NDFIP2: variants seen among roughly 807,000 people sequenced by gnomAD.
NDFIP2 encodes Nedd4 family interacting protein 2, also known as NEDD4 family-interacting protein 2.
Under a neutral mutation model 36.0 loss-of-function variants are expected in NDFIP2, and 19 were observed. The ratio of observed to expected loss-of-function variants is 0.53; its 90% CI spans 0.37 to 0.77. The LOEUF (loss-of-function observed/expected upper bound fraction) is 0.77. Ranked by LOEUF, NDFIP2 falls within the 30% of genes least tolerant of loss-of-function variation. The pLI is 0.00. For synonymous variants in NDFIP2, 181 were observed against 167.7 expected (o/e 1.08, Z -0.61); for missense variants, 446 against 435.8 (o/e 1.02, Z -0.21).
At chr13:79,527,975 A>G (rs1327189641) in intron 2 of NDFIP2, among the ~76,000 whole-genome samples, 4 of 152,138 alleles carry the variant, frequency 2.6e-5, no homozygotes, top group Non-Finnish European at 5.9e-5. Flanking sequence ...TTTTTAATAA[A>G]AAAGCTAGCT....
At chr13:79,500,461 T>C (rs577055675) in intron 1 of NDFIP2, among the ~76,000 whole-genome samples, 76 of 152,128 alleles carry the variant, frequency 5.0e-4, no homozygotes, top group African/African-American at 1.8e-3. Context: ...AAAGGACTGC[T>C]ATCCAAAATA....
At chr13:79,508,216 A>C (rs890891614) in intron 1 of NDFIP2, among the ~76,000 whole-genome samples, 1 of 152,202 alleles carries the variant, frequency 6.6e-6, no homozygotes, top group Non-Finnish European at 1.5e-5. Flanking sequence ...ATTCTTGTAC[A>C]TGCCTCTTTA....
intron 2 of NDFIP2, among the ~76,000 whole-genome samples, chr13:79,523,600 C>G (rs909664706): frequency 3.9e-5 from 6 of 152,114 alleles, no homozygotes; most frequent in African/African-American, 1.4e-4. Flanking sequence ...TTAACAACAA[C>G]TAATAATAAA....
chr13:79,536,727 T>A (rs1253196146), intron 3 of NDFIP2, among the ~76,000 whole-genome samples: 1 of 152,174 alleles, frequency 6.6e-6, no homozygotes, highest in Non-Finnish European at 1.5e-5. Context: ...ATTAATATTA[T>A]AAAAGACATC....
intron 5 of NDFIP2, among the ~76,000 whole-genome samples, chr13:79,545,985 C>T (rs1489980160): frequency 3.9e-5 from 6 of 152,214 alleles, no homozygotes; most frequent in African/African-American, 1.2e-4. Context: ...GCCTTGGCCT[C>T]CCAAAGTGCT....
intron 1 of NDFIP2, among the ~76,000 whole-genome samples, chr13:79,520,112 A>AT (rs920399164): frequency 6.6e-6 from 1 of 151,914 alleles, no homozygotes; most frequent in Admixed American, 6.6e-5. Context: ...TGCTTTAATA[A>AT]TTTTTTTTGT....
intron 3 of NDFIP2, among the ~76,000 whole-genome samples, chr13:79,536,167 C>T (rs1392000929): frequency 6.6e-6 from 1 of 152,182 alleles, no homozygotes; most frequent in Non-Finnish European, 1.5e-5. Context: ...ATGAAAAATG[C>T]TAATTCCAAA....
At chr13:79,498,209 T>C (rs1873523476) in intron 1 of NDFIP2, among the ~76,000 whole-genome samples, 1 of 151,882 alleles carries the variant, frequency 6.6e-6, no homozygotes, top group Non-Finnish European at 1.5e-5. Context: ...CTTTTTGTCT[T>C]GTTCATTTTA....
intron 2 of NDFIP2, among the ~76,000 whole-genome samples, chr13:79,529,830 G>A (rs1874942071): frequency 6.6e-6 from 1 of 152,104 alleles, no homozygotes; most frequent in East Asian, 1.9e-4. Flanking sequence ...AAAAATAAAC[G>A]CATACTTCAG....
intron 7 of NDFIP2, 29 bp downstream of exon 7, chr13:79,551,151 C>G (rs1875894750): frequency 7.1e-7 from 1 of 1,415,412 alleles, no homozygotes; most frequent in African/African-American, 1.4e-5. Context: ...TGAACTCTGC[C>G]TATTCCCTTT....
At chr13:79,535,463 T>C (rs1875198829) in intron 3 of NDFIP2, among the ~76,000 whole-genome samples, 1 of 152,168 alleles carries the variant, frequency 6.6e-6, no homozygotes, top group Non-Finnish European at 1.5e-5. Context: ...AGAAAGTAAA[T>C]GTAATCCTCA....
chr13:79,550,435 A>G (rs1168692386), intron 6 of NDFIP2, among the ~76,000 whole-genome samples: 1 of 151,614 alleles, frequency 6.6e-6, no homozygotes, highest in African/African-American at 2.4e-5. Flanking sequence ...TTTTTATTAT[A>G]AGTTAGTTTT....
intron 7 of NDFIP2, 71 bp from the exon 8 acceptor site, chr13:79,552,445 G>A (rs1875943909): frequency 6.6e-6 from 1 of 151,744 alleles, no homozygotes. Context: ...TATAAAATGT[G>A]TTGTATTATA....
At chr13:79,544,797 T>C (rs73553442) in intron 5 of NDFIP2, among the ~76,000 whole-genome samples, 4,631 of 152,178 alleles carry the variant, frequency 0.03, 248 homozygotes, top group African/African-American at 0.11. Flanking sequence ...ATGGATGTAA[T>C]GCATTTCTTC....
In NDFIP2 at chr13:79,481,165, C is replaced by T. The variant is rs1302232102; in HGVS notation, c.-39C>T. 6 of 1,446,704 alleles carry T rather than the reference C, an allele frequency of 4.1e-6. No homozygotes were observed. Among genetic ancestry groups the T allele is most frequent in the South Asian group, 1.4e-5 (1 of 69,676 alleles). The allele number at this position is 1,446,704 out of a possible 1,614,324, so 89.6% of individuals were successfully genotyped here. On this transcript the variant is annotated 5_prime_UTR_variant, in exon 1 of 8. Transcript: ENST00000218652. Reference sequence around the variant, plus strand: ...CCCCGGACTTGCCTTACTTTTCCATCTCCTCCCACCCAGCTATACCCTCCC... The same window carrying T: ...CCCCGGACTTGCCTTACTTTTCCATTTCCTCCCACCCAGCTATACCCTCCC...
At chr13:79,508,632 T>C (rs2140752580) in intron 1 of NDFIP2, among the ~76,000 whole-genome samples, 1 of 152,324 alleles carries the variant, frequency 6.6e-6, no homozygotes. Context: ...ATCTTGGTTT[T>C]GGTGGGGTTT....
chr13:79,501,030 G>A (rs538457409), intron 1 of NDFIP2, among the ~76,000 whole-genome samples: 50 of 152,146 alleles, frequency 3.3e-4, no homozygotes, highest in Non-Finnish European at 5.7e-4. Flanking sequence ...GGGAGGAAAT[G>A]TAAATGCATA....
chr13:79,492,566 T>C (rs73551545), intron 1 of NDFIP2, among the ~76,000 whole-genome samples: 68 of 152,220 alleles, frequency 4.5e-4, no homozygotes, highest in African/African-American at 1.4e-3. Context: ...CACGCTTGGC[T>C]GAATTTTTTC....
chr13:79,534,213 C>A (rs907884377), intron 3 of NDFIP2, among the ~76,000 whole-genome samples: 1 of 152,102 alleles, frequency 6.6e-6, no homozygotes, highest in Non-Finnish European at 1.5e-5. Context: ...CATGGCCTAT[C>A]ATTTTAATTG....
Sources: gnomAD v4.1 joint callset for allele counts (sites outside exome capture counted in the v4.1 genomes callset) on GRCh38, gnomAD v4.1.1 for gene constraint, MANE v1.5 for transcripts, NCBI Gene and HGNC (gene_info 2026-07-23, HGNC 2026-07-21) for gene names.